PDE3B: variants seen among roughly 807,000 people sequenced by gnomAD.
The protein encoded by PDE3B is phosphodiesterase 3B.
In PDE3B, 66 loss-of-function variants were observed where a neutral mutation model predicts 116.8. The observed-to-expected ratio is 0.56, with a 90% CI of 0.46 to 0.69. PDE3B has a LOEUF of 0.69. Among genes scored for constraint, PDE3B ranks in the 30% least tolerant of loss-of-function variants. PDE3B has a pLI of 0.00. For missense variants in PDE3B, 1,384 were observed against 1,368.1 expected (o/e 1.01, Z -0.18); for synonymous variants, 595 against 533.6 (o/e 1.12, Z -1.59).
chr11:14,714,175 A>T (rs1356510476), intron 1 of PDE3B, among the ~76,000 whole-genome samples: 1 of 151,952 alleles, frequency 6.6e-6, no homozygotes, highest in African/African-American at 2.4e-5. Context: ...TTACTCTATC[A>T]TGCTCCAGTC....
intron 7 of PDE3B, among the ~76,000 whole-genome samples, chr11:14,829,923 C>T (rs1859818647): frequency 6.6e-6 from 1 of 152,074 alleles, no homozygotes; most frequent in African/African-American, 2.4e-5. Flanking sequence ...AATCATATGC[C>T]CCAAAGATAA....
At chr11:14,867,350 A>T (rs917543139) in intron 14 of PDE3B, among the ~76,000 whole-genome samples, 156 bp from the exon 15 acceptor site, 2 of 152,228 alleles carry the variant, frequency 1.3e-5, no homozygotes, top group Admixed American at 1.3e-4. Flanking sequence ...TCAATGTTAA[A>T]TTCTTACAGT....
intron 7 of PDE3B, among the ~76,000 whole-genome samples, chr11:14,822,174 A>G (rs568907774): frequency 3.3e-5 from 5 of 152,284 alleles, no homozygotes; most frequent in Admixed American, 3.3e-4. Context: ...AAGCACTAGG[A>G]TTATAGGTAT....
chr11:14,886,182 G>C, the PDE3B span: 2 of 460,566 alleles, frequency 4.3e-6, no homozygotes, highest in Non-Finnish European at 7.9e-6. Context: ...CGGGAGGCCT[G>C]GGTCTAGTTT....
At chr11:14,712,480 T>G (rs954514624) in intron 1 of PDE3B, among the ~76,000 whole-genome samples, 5 of 140,938 alleles carry the variant, frequency 3.5e-5, no homozygotes, top group Admixed American at 7.1e-5. Flanking sequence ...TTTTTTTTTT[T>G]TTTTTTTTTT....
the PDE3B span, chr11:14,880,006 A>G: frequency 1.1e-6 from 1 of 894,592 alleles, no homozygotes; most frequent in Non-Finnish European, 1.7e-6. Context: ...TGTAACTATT[A>G]AATATTTCTA....
At chr11:14,761,073 A>C (rs566669420) in intron 1 of PDE3B, among the ~76,000 whole-genome samples, 2 of 152,138 alleles carry the variant, frequency 1.3e-5, no homozygotes, top group East Asian at 3.9e-4. Flanking sequence ...TCATTGTGCT[A>C]GACTCTTTAA....
the PDE3B span, among the ~76,000 whole-genome samples, chr11:14,877,079 AC>A: frequency 6.6e-6 from 1 of 152,188 alleles, no homozygotes; most frequent in Non-Finnish European, 1.5e-5. Context: ...GAGCCATGTT[AC>A]AAGAGCATGT....
At chr11:14,661,170 T>G (rs1460597477) in intron 1 of PDE3B, among the ~76,000 whole-genome samples, 1 of 152,204 alleles carries the variant, frequency 6.6e-6, no homozygotes, top group Non-Finnish European at 1.5e-5. Flanking sequence ...CATTACTGGG[T>G]ATGTACCCAA....
At position 14,644,205 on chromosome 11, in the gene PDE3B, C is replaced by T. The variant is rs901233367; in HGVS notation, c.130C>T (p.Pro44Ser). Residue 44 changes from proline to serine, a missense_variant, in exon 1 of 16, where the codon CCG (proline) becomes TCG (serine). This residue lies in a region of PDE3B where 956 missense variants were observed against 806.8 expected (regional missense o/e 1.18). Coordinates refer to ENST00000282096, the MANE Select transcript of PDE3B (RefSeq NM_000922.4). ...SCVSPLRQDP[P>S]RGFFFHLCRF... ...CGTGAGCCCCTTGCGGCAGGACCCT[C>T]CGCGCGGCTTCTTCTTCCACCTCTG... 6 of 1,595,682 alleles carry T rather than the reference C, an allele frequency of 3.8e-6. No individual in the cohort carries two copies. Among genetic ancestry groups the T allele is most frequent in the Admixed American group, 3.4e-5 (2 of 59,578 alleles).
Position 14,845,424 on chromosome 11 carries a change from C to T in PDE3B, c.2520+1398C>T, listed in dbSNP as rs112569953. Among the ~76,000 whole-genome samples, 640 of 152,248 alleles carry T rather than the reference C, an allele frequency of 4.2e-3. 7 individuals carry two copies. The highest frequency in any genetic ancestry group is 0.015 in the African/African-American group (603 of 41,530). On this transcript the variant is annotated intron_variant, in intron 12 of 15. Coordinates refer to ENST00000282096, the MANE Select transcript of PDE3B (RefSeq NM_000922.4). ...CAGAAAAACTGGAAACTCTAAAAAG[C>T]AGAACGCCTCTCCTCCTCCAAAGGA...
In PDE3B at chr11:14,758,280, G is replaced by A. The variant is rs1194250042; in HGVS notation, c.979-13657G>A. ...TCTTTTGGCTTAGGATTGACTTGGCGATGCGGGCTCTTTTTTGGTTCCATA... is the reference window on the plus strand; with the variant it reads ...TCTTTTGGCTTAGGATTGACTTGGCAATGCGGGCTCTTTTTTGGTTCCATA... On this transcript the variant is annotated intron_variant, in intron 1 of 15. Transcript: ENST00000282096. 1.7e-3 allele frequency among the ~76,000 whole-genome samples: 256 copies of A among 148,412 alleles called. 1 individual carries two copies. Among genetic ancestry groups the A allele is most frequent in the Admixed American group, 3.0e-3 (45 of 14,852 alleles).
At chr11:14,800,855 C>G (rs778930497) in intron 4 of PDE3B, among the ~76,000 whole-genome samples, 1 of 152,000 alleles carries the variant, frequency 6.6e-6, no homozygotes, top group East Asian at 1.9e-4. Flanking sequence ...TTGTTCATTT[C>G]TTTTTATTCT....
chr11:14,710,560 T>C (rs1443530524), intron 1 of PDE3B, among the ~76,000 whole-genome samples: 1 of 152,134 alleles, frequency 6.6e-6, no homozygotes, highest in African/African-American at 2.4e-5. Context: ...GAAGAAAACC[T>C]CTCTACCGGA....
At chr11:14,896,007 T>C in the PDE3B span, among the ~76,000 whole-genome samples, 2 of 151,910 alleles carry the variant, frequency 1.3e-5, 1 homozygote, top group East Asian at 3.9e-4. Flanking sequence ...GAAACTTCTT[T>C]CCCTTCACAA....
chr11:14,713,846 G>A (rs1368585280), intron 1 of PDE3B, among the ~76,000 whole-genome samples: 1 of 152,176 alleles, frequency 6.6e-6, no homozygotes, highest in African/African-American at 2.4e-5. Context: ...GTATAAGCAG[G>A]ATTTCAGTAG....
the PDE3B span, chr11:14,878,191 T>C: frequency 1.9e-6 from 3 of 1,613,284 alleles, no homozygotes; most frequent in Non-Finnish European, 2.5e-6. Flanking sequence ...GCTTCAGATC[T>C]GGAACTAGTT....
chr11:14,680,990 C>A (rs1481822497), intron 1 of PDE3B, among the ~76,000 whole-genome samples: 1 of 152,118 alleles, frequency 6.6e-6, no homozygotes, highest in Non-Finnish European at 1.5e-5. Flanking sequence ...TCCAGATAAA[C>A]CCATCGTAAG....
chr11:14,786,092 T>G (rs2133915700), intron 2 of PDE3B, among the ~76,000 whole-genome samples: 1 of 152,244 alleles, frequency 6.6e-6, no homozygotes, highest in Non-Finnish European at 1.5e-5. Context: ...ACCTTGTCAC[T>G]GTGTTAGACT....
Sources: allele counts gnomAD v4.1 joint callset (sites outside exome capture counted in the v4.1 genomes callset), GRCh38; gene constraint gnomAD v4.1.1; regional missense constraint gnomAD v4.1.1; transcripts MANE v1.5; gene names NCBI Gene and HGNC (gene_info 2026-07-23, HGNC 2026-07-21).